Variants in UGGT1 observed in about 807,000 individuals in gnomAD.
UGGT1 encodes the protein UDP-glucose:glycoprotein glucosyltransferase 1.
A neutral mutation model predicts 203.9 loss-of-function variants in UGGT1; 107 were observed. That is an observed-to-expected ratio of 0.52 (90% CI 0.45 to 0.62). UGGT1 has a LOEUF of 0.62. Ranked by LOEUF, UGGT1 falls within the 20% of genes least tolerant of loss-of-function variation. The pLI, the probability that UGGT1 is intolerant of heterozygous loss-of-function variation, is 0.00. For missense variants in UGGT1, 1,673 were observed against 1,867.2 expected (o/e 0.90, Z 1.92); for synonymous variants, 628 against 653.5 (o/e 0.96, Z 0.59).
chr2:128,185,386 T>G (rs1200884080), intron 38 of UGGT1, among the ~76,000 whole-genome samples: 2 of 151,588 alleles, frequency 1.3e-5, no homozygotes, highest in East Asian at 3.9e-4. Flanking sequence ...GCCAGGCTGG[T>G]CTTGAACTCC....
chr2:128,150,684 T>TTTTA (rs888045277), intron 18 of UGGT1, among the ~76,000 whole-genome samples: 4 of 98,748 alleles, frequency 4.1e-5, no homozygotes, highest in Non-Finnish European at 8.8e-5. Context: ...TTTTTTTTTT[T>TTTTA]ACAAATGTTT....
At chr2:128,142,987 A>G (rs1274051671) in intron 16 of UGGT1, 107 bp from the exon 17 acceptor site, 2 of 1,255,690 alleles carry the variant, frequency 1.6e-6, no homozygotes, top group Non-Finnish European at 2.1e-6. Context: ...CAAAAAAAAA[A>G]AAAGAAAAAT....
intron 17 of UGGT1, among the ~76,000 whole-genome samples, chr2:128,144,972 A>C (rs555634603): frequency 6.6e-6 from 1 of 152,234 alleles, no homozygotes; most frequent in African/African-American, 2.4e-5. Flanking sequence ...ACAAGCACCT[A>C]TGTTGACAGT....
At chr2:128,186,330 G>T (rs1375807022) in intron 38 of UGGT1, among the ~76,000 whole-genome samples, 1 of 152,202 alleles carries the variant, frequency 6.6e-6, no homozygotes, top group Non-Finnish European at 1.5e-5. Context: ...GAACTGGCTG[G>T]GTGCAGTGGC....
Position 128,097,570 on chromosome 2 carries a change from A to G in UGGT1, c.194+6A>G. 1 of 1,613,564 alleles carries G rather than the reference A, an allele frequency of 6.2e-7. No individual in the cohort carries two copies. Among genetic ancestry groups the G allele is most frequent in the Non-Finnish European group, 8.5e-7 (1 of 1,179,876 alleles). On this transcript the variant is annotated splice_donor_region_variant and intron_variant, in intron 2 of 40. Coordinates refer to ENST00000259253, the MANE Select transcript of UGGT1 (RefSeq NM_020120.4). ...CCATTGTTGTTAGAAGCCAGGTAAGAGAACATTTTTTTTCCCTTCGTGTAT... is the reference window on the plus strand; with the variant it reads ...CCATTGTTGTTAGAAGCCAGGTAAGGGAACATTTTTTTTCCCTTCGTGTAT...
Position 128,103,946 on chromosome 2 carries a change from A to T in UGGT1, c.209A>T (p.Glu70Val). The part of the protein sequence containing the change: ...LLLEASEFLA[E>V]DSQEKFWNFV... ...TTTTCTCCCAGTGAGTTTTTAGCAG[A>T]AGACAGTCAAGAGAAATTTTGGAAT... Residue 70 changes from glutamate (E) to valine (V), a missense_variant, in exon 3 of 41, where the codon GAA becomes GTA. This residue lies in a region of UGGT1 where 83 missense variants were observed against 87.2 expected (regional missense o/e 0.95). Transcript: ENST00000259253. 1 of 1,591,542 alleles carries T rather than the reference A, an allele frequency of 6.3e-7. No homozygotes were observed. The highest frequency in any genetic ancestry group is 1.4e-5 in the African/African-American group (1 of 73,794).
In UGGT1 at chr2:128,112,454, T is replaced by TTATACATATATATA. The variant is rs1553433489; in HGVS notation, c.522-626_522-625insCATATATATATATA. Among the ~76,000 whole-genome samples, 4 of 55,812 alleles carry TTATACATATATATA rather than the reference T, an allele frequency of 7.2e-5. 1 individual carries two copies. The highest frequency in any genetic ancestry group is 1.1e-4 in the Non-Finnish European group (3 of 26,610). The allele number at this position is 55,812 out of a possible 152,430, so 36.6% of individuals were successfully genotyped here. A position where few individuals can be genotyped will look rare whatever the true frequency, so the allele number is the denominator to read the frequency against. On this transcript the variant is annotated intron_variant, in intron 5 of 40. Coordinates refer to ENST00000259253, the MANE Select transcript of UGGT1 (RefSeq NM_020120.4). ...AAAAAACCCCCCAAAAAATACTATG[T>TTATACATATATATA]TATATATATATATATATATTACATA...
chr2:128,171,473 T>C, intron 28 of UGGT1, 189 bp downstream of exon 28: 1 of 570,990 alleles, frequency 1.8e-6, no homozygotes. Flanking sequence ...TTGTAGCATT[T>C]AGGTGGCATT....
intron 18 of UGGT1, among the ~76,000 whole-genome samples, chr2:128,150,563 G>A (rs570922236): frequency 2.0e-5 from 3 of 150,906 alleles, no homozygotes; most frequent in Admixed American, 6.6e-5. Context: ...ACTACCATGT[G>A]TGTGTGTGTG....
chr2:128,183,766 A>T lies in UGGT1; in HGVS notation c.4336A>T (p.Asn1446Tyr), dbSNP rs2104827970. Residue 1446 changes from asparagine to tyrosine, a missense_variant, in exon 38 of 41, where the codon AAC (asparagine) becomes TAC (tyrosine). Around this residue, in one of 4 missense-constraint regions of UGGT1, gnomAD observed 513 missense variants for 684.1 expected, o/e 0.75. Coordinates refer to ENST00000259253, the MANE Select transcript of UGGT1 (RefSeq NM_020120.4). ...GTACCAAGGTCTGAGTCAGGACCCT[A>T]ACAGCCTTTCAAATCTTGATCAAGT... is the stretch of plus-strand genomic sequence containing the variant. ...GQYQGLSQDP[N>Y]SLSNLDQDLP... 1 of 1,614,044 alleles carries T rather than the reference A, an allele frequency of 6.2e-7. No homozygotes were observed. Among genetic ancestry groups the T allele is most frequent in the African/African-American group, 1.3e-5 (1 of 75,044 alleles).
intron 1 of UGGT1, among the ~76,000 whole-genome samples, chr2:128,096,672 C>A (rs1199575992): frequency 6.6e-6 from 1 of 152,206 alleles, no homozygotes; most frequent in African/African-American, 2.4e-5. Flanking sequence ...ACTGTATTTA[C>A]AAATAAGTTG....
At chr2:128,097,021 A>G (rs912431665) in intron 1 of UGGT1, among the ~76,000 whole-genome samples, 13 of 152,196 alleles carry the variant, frequency 8.5e-5, no homozygotes, top group Admixed American at 8.5e-4. Flanking sequence ...AACTTATGTT[A>G]TTTTGTGTCT....
chr2:128,115,025 G>T, intron 6 of UGGT1, 99 bp from the exon 7 acceptor site: 2 of 987,522 alleles, frequency 2.0e-6, no homozygotes, highest in Non-Finnish European at 3.1e-6. Flanking sequence ...ATAATCCGAG[G>T]TAATGGCTAG....
intron 6 of UGGT1, among the ~76,000 whole-genome samples, chr2:128,114,277 C>T (rs1192996597): frequency 3.9e-5 from 6 of 152,066 alleles, no homozygotes; most frequent in Non-Finnish European, 7.4e-5. Flanking sequence ...ACCATCATGC[C>T]GGCTAATTTT....
At chr2:128,157,396 C>T in intron 22 of UGGT1, 50 bp downstream of exon 22, 1 of 1,470,624 alleles carries the variant, frequency 6.8e-7, no homozygotes, top group Non-Finnish European at 9.5e-7. Flanking sequence ...CTGTAGTTGT[C>T]TTCATGGGCT....
At chr2:128,141,681 C>T (rs1457899691) in intron 16 of UGGT1, among the ~76,000 whole-genome samples, 2 of 151,354 alleles carry the variant, frequency 1.3e-5, no homozygotes, top group African/African-American at 4.9e-5. Context: ...GGATTAGACG[C>T]CTGCCACCAC....
At position 128,108,250 on chromosome 2, in the gene UGGT1, A is replaced by T. The variant is rs145219674; in HGVS notation, c.408+182A>T. 1.7e-3 allele frequency among the ~76,000 whole-genome samples: 193 copies of T among 114,578 alleles called. 1 individual carries two copies. The East Asian group carries it at 0.034, about 20-fold the overall frequency. 75.2% of individuals were successfully genotyped at this position (114,578 alleles called of 152,430 possible). On this transcript the variant is annotated intron_variant, in intron 4 of 40. Transcript: ENST00000259253. ...TTGATGTTAAGTCTTCAACCCACAG[A>T]TTTAAAAAAATAAAAGAATATCTAT... is the stretch of plus-strand genomic sequence containing the variant.
At chr2:128,122,919 A>G (rs1320567827) in intron 10 of UGGT1, among the ~76,000 whole-genome samples, 2 of 152,336 alleles carry the variant, frequency 1.3e-5, no homozygotes, top group East Asian at 3.9e-4. Context: ...ATATATAGAA[A>G]TGGGGTGCAT....
chr2:128,159,442 A>G (rs1690413204), intron 22 of UGGT1, 72 bp from the exon 23 acceptor site: 2 of 1,354,038 alleles, frequency 1.5e-6, no homozygotes, highest in Non-Finnish European at 2.1e-6. Flanking sequence ...ATTGAACATG[A>G]CTGATGTTAA....
Sources: gnomAD v4.1 joint callset for allele counts (sites outside exome capture counted in the v4.1 genomes callset) on GRCh38, gnomAD v4.1.1 for gene constraint, gnomAD v4.1.1 regional missense constraint, MANE v1.5 for transcripts, NCBI Gene and HGNC (gene_info 2026-07-23, HGNC 2026-07-21) for gene names.